Variants in CNTN1 observed in about 807,000 individuals in gnomAD.
CNTN1 encodes the protein contactin 1, also known as contactin-1.
A neutral mutation model predicts 126.4 loss-of-function variants in CNTN1; 38 were observed. That is an observed-to-expected ratio of 0.30 (90% confidence interval 0.23 to 0.39). The LOEUF (loss-of-function observed/expected upper bound fraction) is 0.39. Among genes scored for constraint, CNTN1 ranks in the 10% least tolerant of loss-of-function variants. The pLI is 1.00. For synonymous variants in CNTN1, 413 were observed against 422.6 expected (o/e 0.98, Z 0.28); for missense variants, 1,009 against 1,248.4 (o/e 0.81, Z 2.89).
chr12:40,812,711 G>T (rs1224002565), intron 1 of CNTN1, among the ~76,000 whole-genome samples: 1 of 151,970 alleles, frequency 6.6e-6, no homozygotes, highest in African/African-American at 2.4e-5. Context: ...AGACCATTTT[G>T]TATATTTAGG....
chr12:40,994,206 G>A (rs1164175766), intron 17 of CNTN1, among the ~76,000 whole-genome samples: 1 of 152,000 alleles, frequency 6.6e-6, no homozygotes, highest in Non-Finnish European at 1.5e-5. Context: ...AAGAAGGAGG[G>A]AGGCCTACAT....
intron 23 of CNTN1, among the ~76,000 whole-genome samples, chr12:41,034,199 T>G (rs1172715904): frequency 6.6e-6 from 1 of 152,238 alleles, no homozygotes; most frequent in East Asian, 1.9e-4. Context: ...TATTTTGTCT[T>G]CTAATAAATC....
At chr12:40,813,121 CCTT>C (rs1565773465) in intron 1 of CNTN1, among the ~76,000 whole-genome samples, 2 of 140,590 alleles carry the variant, frequency 1.4e-5, no homozygotes, top group Non-Finnish European at 3.0e-5. Flanking sequence ...TTCTTTCTTT[CCTT>C]CTTTCTTTCT....
At position 41,027,751 on chromosome 12, in the gene CNTN1, A is replaced by C. The variant is rs1407738613; in HGVS notation, c.2711-106A>C. 29 of 758,868 alleles carry C rather than the reference A, an allele frequency of 3.8e-5. 2 individuals are homozygous for C. Among genetic ancestry groups the C allele is most frequent in the Middle Eastern group, 2.6e-4 (1 of 3,798 alleles). 47.0% of individuals were successfully genotyped at this position (758,868 alleles called of 1,614,324 possible). On this transcript the variant is annotated intron_variant, in intron 21 of 23. Coordinates refer to ENST00000551295, the MANE Select transcript of CNTN1 (RefSeq NM_001843.4). The stretch of plus-strand genomic sequence containing the variant: ...TATAGTAAACACTTATTAAAACTAG[A>C]TGGTGGTGGTCATTATCATCAGCAT...
intron 1 of CNTN1, among the ~76,000 whole-genome samples, chr12:40,701,785 A>G (rs142098139): frequency 6.6e-6 from 1 of 152,298 alleles, no homozygotes; most frequent in East Asian, 1.9e-4. Context: ...GTGGTAATGA[A>G]CCTAAGACAT....
At chr12:40,831,191 G>A (rs1242088709) in intron 1 of CNTN1, among the ~76,000 whole-genome samples, 2 of 145,992 alleles carry the variant, frequency 1.4e-5, no homozygotes, top group Non-Finnish European at 3.0e-5. Context: ...TTTACTTATA[G>A]TATATACATT....
intron 23 of CNTN1, among the ~76,000 whole-genome samples, chr12:41,038,945 G>A (rs1202218731): frequency 2.6e-5 from 4 of 152,054 alleles, no homozygotes; most frequent in Non-Finnish European, 5.9e-5. Flanking sequence ...TATCTGGAGA[G>A]AAGGAAATGT....
chr12:40,784,888 G>C (rs866091075), intron 1 of CNTN1, among the ~76,000 whole-genome samples: 1 of 152,136 alleles, frequency 6.6e-6, no homozygotes, highest in Non-Finnish European at 1.5e-5. Flanking sequence ...ATTCACCTGC[G>C]TGGTCCAACA....
At chr12:40,742,887 C>T (rs577053032) in intron 1 of CNTN1, among the ~76,000 whole-genome samples, 6 of 152,106 alleles carry the variant, frequency 3.9e-5, no homozygotes, top group Admixed American at 3.9e-4. Flanking sequence ...GACAATGATA[C>T]AATAATGAGT....
chr12:40,850,424 A>G (rs537932551), intron 1 of CNTN1, among the ~76,000 whole-genome samples: 1 of 152,134 alleles, frequency 6.6e-6, no homozygotes, highest in Non-Finnish European at 1.5e-5. Context: ...CTGCAGGGCT[A>G]TCCAGAAGGA....
intron 23 of CNTN1, among the ~76,000 whole-genome samples, chr12:41,055,518 A>G (rs1306024281): frequency 6.6e-6 from 1 of 152,078 alleles, no homozygotes; most frequent in African/African-American, 2.4e-5. Flanking sequence ...TGTTTACCAC[A>G]CCGTACTACA....
chr12:41,051,501 T>G (rs532256172), intron 23 of CNTN1, among the ~76,000 whole-genome samples: 1 of 151,990 alleles, frequency 6.6e-6, no homozygotes, highest in South Asian at 2.1e-4. Flanking sequence ...ACTTTAGTCT[T>G]ATGCTATTGG....
intron 1 of CNTN1, among the ~76,000 whole-genome samples, chr12:40,868,486 C>G (rs1943375619): frequency 1.3e-5 from 2 of 152,144 alleles, no homozygotes; most frequent in South Asian, 4.1e-4. Flanking sequence ...ATAATAATTT[C>G]TATAAAGTCT....
intron 1 of CNTN1, among the ~76,000 whole-genome samples, chr12:40,902,581 T>A (rs914164695): frequency 2.0e-5 from 3 of 148,114 alleles, no homozygotes; most frequent in South Asian, 2.1e-4. Flanking sequence ...TGCCAAAAAA[T>A]TTTTTTTGTA....
chr12:41,055,468 T>C (rs2121060471), intron 23 of CNTN1, among the ~76,000 whole-genome samples: 1 of 152,186 alleles, frequency 6.6e-6, no homozygotes, highest in South Asian at 2.1e-4. Flanking sequence ...GTACCCTCCT[T>C]TTTGCTCCCC....
chr12:40,993,800 C>T (rs1412041261), intron 17 of CNTN1, among the ~76,000 whole-genome samples: 1 of 152,024 alleles, frequency 6.6e-6, no homozygotes, highest in South Asian at 2.1e-4. Flanking sequence ...TAATTTTTTC[C>T]TAACATTTAA....
chr12:40,862,409 C>A (rs773654760), intron 1 of CNTN1, among the ~76,000 whole-genome samples: 32 of 152,090 alleles, frequency 2.1e-4, no homozygotes, highest in Non-Finnish European at 4.1e-4. Context: ...GTGGGTTTCC[C>A]TTTATGGGGT....
At position 40,793,926 on chromosome 12, in the gene CNTN1, C is replaced by T. The variant is rs370938091; in HGVS notation, c.-77+101334C>T. On this transcript the variant is annotated intron_variant, in intron 1 of 23. Coordinates refer to ENST00000551295, the MANE Select transcript of CNTN1 (RefSeq NM_001843.4). Reference sequence around the variant, plus strand: ...AGACCGCAATTACTTTTGCACCAACCTAATACATTAGAAATGTAAATACTA... The same window carrying T: ...AGACCGCAATTACTTTTGCACCAACTTAATACATTAGAAATGTAAATACTA... 6.6e-5 allele frequency among the ~76,000 whole-genome samples: 10 copies of T among 150,722 alleles called. No individual in the cohort carries two copies. In the East Asian group the frequency reaches 1.4e-3, roughly 21 times the overall value.
intron 1 of CNTN1, among the ~76,000 whole-genome samples, chr12:40,710,647 A>G (rs1009393838): frequency 6.6e-6 from 1 of 152,172 alleles, no homozygotes. Context: ...TGAATATGGA[A>G]ATCTAATATC....
Sources: allele counts gnomAD v4.1 joint callset (sites outside exome capture counted in the v4.1 genomes callset), GRCh38; gene constraint gnomAD v4.1.1; transcripts MANE v1.5; gene names NCBI Gene and HGNC (gene_info 2026-07-23, HGNC 2026-07-21).